The following RNF13 variants were observed in gnomAD, a reference collection of about 807,000 sequenced individuals.
RNF13 encodes E3 ubiquitin-protein ligase RNF13.
RNF13 carries 19 observed loss-of-function variants against 37.7 expected under a neutral mutation model. The observed-to-expected ratio is 0.50, with a 90% CI of 0.35 to 0.74. The LOEUF (loss-of-function observed/expected upper bound fraction) is 0.74. Ranked by LOEUF, RNF13 falls within the 30% of genes least tolerant of loss-of-function variation. The pLI is 0.01. For synonymous variants in RNF13, 144 were observed against 157.8 expected (o/e 0.91, Z 0.65); for missense variants, 375 against 453.0 (o/e 0.83, Z 1.56).
At chr3:149,825,321 G>A (rs182497554) in intron 1 of RNF13, among the ~76,000 whole-genome samples, 1 of 151,860 alleles carries the variant, frequency 6.6e-6, no homozygotes, top group East Asian at 1.9e-4. Context: ...GCACCACCAC[G>A]CCTGGCTAAT....
At chr3:149,866,423 G>A (rs1724826707) in intron 3 of RNF13, among the ~76,000 whole-genome samples, 1 of 152,234 alleles carries the variant, frequency 6.6e-6, no homozygotes, top group South Asian at 2.1e-4. Flanking sequence ...TGGGAGTGTA[G>A]CAGTGAGGAA....
chr3:149,848,699 TTTGG>T (rs771822334), intron 2 of RNF13, among the ~76,000 whole-genome samples: 4 of 152,188 alleles, frequency 2.6e-5, no homozygotes, highest in South Asian at 2.1e-4. Flanking sequence ...CCTTTGATTT[TTTGG>T]TTGGTTGGTT....
At chr3:149,826,625 C>G (rs1720534838) in intron 1 of RNF13, among the ~76,000 whole-genome samples, 1 of 151,958 alleles carries the variant, frequency 6.6e-6, no homozygotes, top group Admixed American at 6.6e-5. Flanking sequence ...ATATATTATG[C>G]AAAATGAAAT....
intron 3 of RNF13, among the ~76,000 whole-genome samples, chr3:149,861,206 TAAA>T (rs966473035): frequency 3.5e-5 from 5 of 141,952 alleles, no homozygotes; most frequent in Non-Finnish European, 7.7e-5. Flanking sequence ...TATGGAGATT[TAAA>T]AAAAAAAACT....
At chr3:149,948,152 T>C (rs1720955036) in intron 8 of RNF13, among the ~76,000 whole-genome samples, 1 of 152,068 alleles carries the variant, frequency 6.6e-6, no homozygotes, top group Admixed American at 6.6e-5. Context: ...GGTTTCACCA[T>C]GCTGGCCAGG....
intron 8 of RNF13, among the ~76,000 whole-genome samples, chr3:149,956,728 C>G (rs564582027): frequency 3.3e-5 from 5 of 152,280 alleles, no homozygotes; most frequent in Non-Finnish European, 7.4e-5. Context: ...AGACATGAAT[C>G]TGATTTCTTC....
chr3:149,941,701 T>C (rs962125233), intron 8 of RNF13, among the ~76,000 whole-genome samples: 6 of 151,790 alleles, frequency 4.0e-5, no homozygotes, highest in Admixed American at 2.6e-4. Flanking sequence ...GTAGTCCCAT[T>C]TGTCTATTTT....
At chr3:149,907,662 T>C (rs1430423854) in intron 6 of RNF13, among the ~76,000 whole-genome samples, 1 of 152,204 alleles carries the variant, frequency 6.6e-6, no homozygotes, top group Non-Finnish European at 1.5e-5. Context: ...CTCATTAAAA[T>C]GTGAACAATA....
intron 5 of RNF13, among the ~76,000 whole-genome samples, chr3:149,898,852 G>T (rs1017002037): frequency 6.6e-6 from 1 of 152,170 alleles, no homozygotes; most frequent in Non-Finnish European, 1.5e-5. Flanking sequence ...TGAAAGGAAG[G>T]CAGCTATTTT....
Position 149,846,448 on chromosome 3 carries a change from G to A in RNF13, c.114+308G>A, listed in dbSNP as rs138619477. 1.5e-3 allele frequency among the ~76,000 whole-genome samples: 221 copies of A among 152,146 alleles called. 1 individual carries two copies. The highest frequency in any genetic ancestry group is 4.7e-3 in the African/African-American group (196 of 41,518). On this transcript the variant is annotated intron_variant, in intron 2 of 9. Transcript: ENST00000392894. Reference sequence around the variant, plus strand: ...CTCCTGAGTAGCTGGAATTACAGGCGTGTGCCACCATGCCCGACTAATTTT... The same window carrying A: ...CTCCTGAGTAGCTGGAATTACAGGCATGTGCCACCATGCCCGACTAATTTT...
chr3:149,814,583 A>T (rs1450606393), intron 1 of RNF13, among the ~76,000 whole-genome samples: 1 of 152,264 alleles, frequency 6.6e-6, no homozygotes, highest in African/African-American at 2.4e-5. Flanking sequence ...GAAAGAAAAA[A>T]TACCAGAGGA....
At chr3:149,818,987 A>G (rs1354735824) in intron 1 of RNF13, among the ~76,000 whole-genome samples, 2 of 152,232 alleles carry the variant, frequency 1.3e-5, no homozygotes, top group Non-Finnish European at 2.9e-5. Context: ...ATAAAGTTAT[A>G]TTGTAGCTGA....
At chr3:149,823,584 T>G (rs1720202908) in intron 1 of RNF13, among the ~76,000 whole-genome samples, 1 of 152,144 alleles carries the variant, frequency 6.6e-6, no homozygotes, top group African/African-American at 2.4e-5. Context: ...CATTGGAAAA[T>G]TATTTGTAAT....
rs1722242303 is a variant in RNF13, at chr3:149,960,145, A to C, written c.781+9A>C. The C allele has an allele frequency of 6.6e-7, 1 of 1,526,674 alleles. No individual in the cohort carries two copies. The highest frequency in any genetic ancestry group is 1.4e-5 in the African/African-American group (1 of 73,024). The allele number at this position is 1,526,674 out of a possible 1,614,324, so 94.6% of individuals were successfully genotyped here. ...CCTTCCCTGTTCCCATGGTATGAGTAATTACGTACTGCTTTGAATTTACAT... is the reference window on the plus strand; with the variant it reads ...CCTTCCCTGTTCCCATGGTATGAGTCATTACGTACTGCTTTGAATTTACAT... On this transcript the variant is annotated intron_variant, in intron 9 of 9. Transcript: ENST00000392894.
intron 8 of RNF13, among the ~76,000 whole-genome samples, chr3:149,932,582 GAAATAGGCCCCACACAAGTCTGAAA>G (rs1318493159): frequency 6.6e-6 from 1 of 152,202 alleles, no homozygotes; most frequent in Non-Finnish European, 1.5e-5. Context: ...AAAAGAAAGG[GAAATAGGCCCCACACAAGTCTGAAA>G]CCTAGCAGGG....
chr3:149,837,180 T>C (rs1721708098), intron 1 of RNF13, among the ~76,000 whole-genome samples: 1 of 152,234 alleles, frequency 6.6e-6, no homozygotes, highest in Non-Finnish European at 1.5e-5. Context: ...GAAGGCCTTC[T>C]GAAAAGATCA....
intron 8 of RNF13, among the ~76,000 whole-genome samples, chr3:149,933,914 G>A (rs1460232491): frequency 2.0e-5 from 3 of 151,986 alleles, no homozygotes; most frequent in Non-Finnish European, 4.4e-5. Context: ...GTTTTCTTTG[G>A]TTTTTAAAAT....
intron 1 of RNF13, among the ~76,000 whole-genome samples, chr3:149,837,052 T>C (rs975528974): frequency 6.6e-6 from 1 of 152,182 alleles, no homozygotes; most frequent in Non-Finnish European, 1.5e-5. Flanking sequence ...ATTCTAGGGA[T>C]GGATTGTGGT....
chr3:149,939,448 G>C, intron 8 of RNF13: 1 of 549,440 alleles, frequency 1.8e-6, no homozygotes, highest in Non-Finnish European at 3.5e-6. Flanking sequence ...TTCCTCCACA[G>C]CTACTAAGTG....
Sources: allele counts gnomAD v4.1 joint callset (sites outside exome capture counted in the v4.1 genomes callset), GRCh38; gene constraint gnomAD v4.1.1; transcripts MANE v1.5; gene names NCBI Gene and HGNC (gene_info 2026-07-23, HGNC 2026-07-21).